CEP41: variants seen among roughly 807,000 people sequenced by gnomAD.
The protein encoded by CEP41 is centrosomal protein 41.
A neutral mutation model predicts 44.3 loss-of-function variants in CEP41; 32 were observed. The observed-to-expected ratio is 0.72, with a 90% CI of 0.54 to 0.97. The LOEUF is 0.97. Among genes scored for constraint, CEP41 ranks in the 50% least tolerant of loss-of-function variants. CEP41 has a pLI of 0.00. For missense variants in CEP41, 432 were observed against 455.2 expected (o/e 0.95, Z 0.46); for synonymous variants, 151 against 168.5 (o/e 0.90, Z 0.80).
At chr7:130,414,382 T>G (rs759464102) in intron 3 of CEP41, among the ~76,000 whole-genome samples, 1 of 152,184 alleles carries the variant, frequency 6.6e-6, no homozygotes, top group Non-Finnish European at 1.5e-5. Flanking sequence ...TGCCACCAAC[T>G]TGCCCACCAA....
At position 130,434,070 on chromosome 7, in the gene CEP41, A is replaced by T. The variant is rs551058861; in HGVS notation, c.34-6052T>A. On this transcript the variant is annotated intron_variant, in intron 1 of 10. Coordinates refer to ENST00000223208, the MANE Select transcript of CEP41 (RefSeq NM_018718.3). ...TGGATAAAAAAGATGGGAAGAAGGA[A>T]TGGAAAAAGTATTCCAAGTGGAGAA... is the stretch of plus-strand genomic sequence containing the variant. Among the ~76,000 whole-genome samples the T allele has an allele frequency of 6.6e-5, 10 of 152,334 alleles. No homozygotes were observed. The South Asian group carries it at 1.2e-3, about 19-fold the overall frequency.
At chr7:130,414,540 C>T (rs1226869068) in intron 3 of CEP41, among the ~76,000 whole-genome samples, 1 of 152,192 alleles carries the variant, frequency 6.6e-6, no homozygotes, top group Non-Finnish European at 1.5e-5. Flanking sequence ...AAAATGTATA[C>T]TTTAAAATCT....
At chr7:130,441,349 A>G (rs1171835973), upstream of CEP41, 2 of 401,060 alleles carry the variant, frequency 5.0e-6, no homozygotes, top group African/African-American at 4.1e-5. Flanking sequence ...CTAATGTGGA[A>G]CCATAAATAC....
At position 130,421,862 on chromosome 7, in the gene CEP41, C is replaced by G. The variant is rs928108476; in HGVS notation, c.98-4896G>C. 3 of 1,477,844 alleles carry G rather than the reference C, an allele frequency of 2.0e-6. No homozygotes were observed. In the Admixed American group the frequency reaches 6.8e-5, roughly 34 times the overall value. The allele number at this position is 1,477,844 out of a possible 1,614,324, so 91.5% of individuals were successfully genotyped here. A position where few individuals can be genotyped will look rare whatever the true frequency, so the allele number is the denominator to read the frequency against. ...TTAATCAGCCTGCAGTGCTGCAAAA[C>G]AGAAACCCAGAGAGGGTGCTTGAGA... is the stretch of plus-strand genomic sequence containing the variant. On this transcript the variant is annotated intron_variant, in intron 2 of 10. Coordinates refer to ENST00000223208, the MANE Select transcript of CEP41 (RefSeq NM_018718.3).
At chr7:130,418,283 G>T (rs1188189167) in intron 2 of CEP41, among the ~76,000 whole-genome samples, 1 of 152,138 alleles carries the variant, frequency 6.6e-6, no homozygotes, top group East Asian at 1.9e-4. Flanking sequence ...ATATCACCAA[G>T]ATTAGAACCA....
chr7:130,403,693 A>G (rs1309527562), intron 6 of CEP41, among the ~76,000 whole-genome samples: 1 of 152,216 alleles, frequency 6.6e-6, no homozygotes, highest in East Asian at 1.9e-4. Context: ...CTGCATTTAA[A>G]TCCAATAAAC....
rs781972597 is a variant in CEP41 at position 130,394,166 on chromosome 7, C to G, written c.*4725G>C. The stretch of plus-strand genomic sequence containing the variant: ...CAAAGGAGAACATGGTTGTGCCCAC[C>G]CAGAGTGAGAAGCATAGAGCGGAGT... On this transcript the variant is annotated 3_prime_UTR_variant, in exon 11 of 11. Transcript: ENST00000223208. 2.0e-5 allele frequency: 9 copies of G among 453,918 alleles called. No individual in the cohort carries two copies. The highest frequency in any genetic ancestry group is 1.4e-4 in the South Asian group (9 of 64,472). 28.1% of individuals were successfully genotyped at this position (453,918 alleles called of 1,614,324 possible). A position where few individuals can be genotyped will look rare whatever the true frequency, so the allele number is the denominator to read the frequency against.
In CEP41 at chr7:130,421,143, AAC is replaced by A. The variant is rs529797496; in HGVS notation, c.98-4179_98-4178del. On this transcript the variant is annotated intron_variant, in intron 2 of 10. Coordinates refer to ENST00000223208, the MANE Select transcript of CEP41 (RefSeq NM_018718.3). ...CCGACTATAGCAACAGTGCTGTGCA[AAC>A]ACAGAGTGCAACTGATTCAGTGAAT... 871 of 985,420 alleles carry A rather than the reference AAC, an allele frequency of 8.8e-4. 1 individual carries two copies. The highest frequency in any genetic ancestry group is 1.4e-3 in the East Asian group (12 of 8,816). 61.0% of individuals were successfully genotyped at this position (985,420 alleles called of 1,614,324 possible).
chr7:130,411,130 C>T lies in CEP41; in HGVS notation c.269G>A (p.Arg90Lys). ...TLEVTAEEIQ[R>K]LEDNDSAASD... ...CCCTCAATTCTCATTACCTTCCAGC[C>T]TTTGAATCTCCTCAGCTGTCACTTC... The change falls in exon 5 of 11, where the codon AGG (arginine) becomes AAG (lysine). Residue 90 changes from arginine (R) to lysine (K), a missense_variant. Coordinates refer to ENST00000223208, the MANE Select transcript of CEP41 (RefSeq NM_018718.3). The T allele has an allele frequency of 2.5e-6, 4 of 1,614,006 alleles. No individual in the cohort carries two copies. Among genetic ancestry groups the T allele is most frequent in the Non-Finnish European group, 3.4e-6 (4 of 1,179,872 alleles).
intron 2 of CEP41, among the ~76,000 whole-genome samples, chr7:130,418,086 G>GTTTTCTTTTC (rs782260701): frequency 6.6e-6 from 1 of 152,066 alleles, no homozygotes; most frequent in Non-Finnish European, 1.5e-5. Context: ...ATCCACCATT[G>GTTTTCTTTTC]TTTTCTTTTC....
rs782047730 is a variant in CEP41, at chr7:130,427,985, A to G, written c.67T>C (p.Tyr23His). The G allele has an allele frequency of 6.2e-7, 1 of 1,607,770 alleles. No homozygotes were observed. The highest frequency in any genetic ancestry group is 8.5e-7 in the Non-Finnish European group (1 of 1,174,438). Reference protein sequence around the residue: ...LMKRIPQNPRYQHIKSRLDTG... With the variant: ...LMKRIPQNPRHQHIKSRLDTG... ...TCCAGTCTTGATTTGATATGCTGGT[A>G]TCTTGGGTTCTGTGGTATCCTTTTC... Residue 23 changes from tyrosine (Y) to histidine (H), a missense_variant, in exon 2 of 11, where the codon TAC (tyrosine) becomes CAC (histidine). Tyr to His is a moderately conservative substitution (Grantham distance 83). Transcript: ENST00000223208.
Position 130,398,226 on chromosome 7 carries a change from G to C in CEP41, c.*665C>G, listed in dbSNP as rs1554415683. The C allele has an allele frequency of 2.2e-6, 1 of 453,988 alleles. No homozygotes were observed. Among genetic ancestry groups the C allele is most frequent in the East Asian group, 6.9e-5 (1 of 14,408 alleles). 28.1% of individuals were successfully genotyped at this position (453,988 alleles called of 1,614,324 possible). On this transcript the variant is annotated 3_prime_UTR_variant, in exon 11 of 11. Coordinates refer to ENST00000223208, the MANE Select transcript of CEP41 (RefSeq NM_018718.3). ...CACATGCATACCTTTCTGGCTCCAG[G>C]AAATATCTAGTAAGGGGGAGCATTC...
At chr7:130,416,995 T>C (rs782512600) in intron 2 of CEP41, 29 bp from the exon 3 acceptor site, 5 of 1,501,034 alleles carry the variant, frequency 3.3e-6, no homozygotes, top group Admixed American at 3.3e-5. Flanking sequence ...GTTTTAGATA[T>C]ACTTTAAATG....
upstream of CEP41, chr7:130,441,302 C>G (rs1043260338): frequency 5.1e-5 from 24 of 467,570 alleles, no homozygotes; most frequent in African/African-American, 4.5e-4. Flanking sequence ...GGGGCGGGGG[C>G]AGTGGCTTGA....
intron 3 of CEP41, among the ~76,000 whole-genome samples, chr7:130,416,319 A>AGTGTATAC: frequency 6.6e-6 from 1 of 152,238 alleles, no homozygotes; most frequent in Non-Finnish European, 1.5e-5. Flanking sequence ...TCAGTTTTGG[A>AGTGTATAC]TGCAGACTGA....
Position 130,395,139 on chromosome 7 carries a change from C to A in CEP41, c.*3752G>T, listed in dbSNP as rs1337981774. On this transcript the variant is annotated 3_prime_UTR_variant, in exon 11 of 11. Transcript: ENST00000223208. ...TTTATGTTGTAACTGACCTGTGTAT[C>A]CATTTAAAGATGTCATAATAATAAT... is the stretch of plus-strand genomic sequence containing the variant. 4.4e-6 allele frequency: 2 copies of A among 453,956 alleles called. No homozygotes were observed. Among genetic ancestry groups the A allele is most frequent in the Non-Finnish European group, 8.8e-6 (2 of 226,756 alleles). 28.1% of individuals were successfully genotyped at this position (453,956 alleles called of 1,614,324 possible).
At chr7:130,413,465 C>A (rs1288162743) in intron 3 of CEP41, among the ~76,000 whole-genome samples, 1 of 151,738 alleles carries the variant, frequency 6.6e-6, no homozygotes, top group Non-Finnish European at 1.5e-5. Context: ...CCTGTAATCC[C>A]AACTACTCCA....
chr7:130,420,682 G>C (rs1420044878), intron 2 of CEP41: 1 of 157,862 alleles, frequency 6.3e-6, no homozygotes, highest in African/African-American at 2.4e-5. Context: ...TGAGGCAGAA[G>C]AATCGCTTGA....
At position 130,406,278 on chromosome 7, in the gene CEP41, G is replaced by GT. The variant is rs200417002; in HGVS notation, c.278-1571dup. ...TTGCTGTTCTAACCAATACAATAAAGTTTTTTTAAAAATAATAATAACAGG... is the reference window on the plus strand; with the variant it reads ...TTGCTGTTCTAACCAATACAATAAAGTTTTTTTTAAAAATAATAATAACAGG... On this transcript the variant is annotated intron_variant, in intron 5 of 10. Transcript: ENST00000223208. Among the ~76,000 whole-genome samples, 117 of 152,168 alleles carry GT rather than the reference G, an allele frequency of 7.7e-4. 1 individual carries two copies. In the East Asian group the frequency reaches 0.022, roughly 28 times the overall value.
Sources: allele counts gnomAD v4.1 joint callset (sites outside exome capture counted in the v4.1 genomes callset), GRCh38; gene constraint gnomAD v4.1.1; transcripts MANE v1.5; gene names NCBI Gene and HGNC (gene_info 2026-07-23, HGNC 2026-07-21).